CAMKMT: variants seen among roughly 807,000 people sequenced by gnomAD.
CAMKMT encodes calmodulin-lysine N-methyltransferase.
In CAMKMT, 53 loss-of-function variants were observed where a neutral mutation model predicts 48.0. That is an observed-to-expected ratio of 1.10 (90% confidence interval 0.89 to 1.39). The LOEUF is 1.39. Ranked by LOEUF, CAMKMT falls within the 40% of genes most tolerant of loss-of-function variation. CAMKMT has a pLI of 0.00. For missense variants in CAMKMT, 428 were observed against 402.7 expected, an observed-to-expected ratio of 1.06 and a Z score of -0.54; for synonymous variants, 165 against 152.3, an observed-to-expected ratio of 1.08 and a Z score of -0.61.
At chr2:44,418,899 G>A (rs1348100146) in intron 3 of CAMKMT, among the ~76,000 whole-genome samples, 3 of 151,884 alleles carry the variant, frequency 2.0e-5, no homozygotes, top group African/African-American at 7.2e-5. Flanking sequence ...CTTTATGTAG[G>A]TATTCCTTAA....
intron 9 of CAMKMT, among the ~76,000 whole-genome samples, chr2:44,759,955 G>A (rs116952561): frequency 1.3e-5 from 2 of 152,252 alleles, no homozygotes; most frequent in East Asian, 1.9e-4. Context: ...TCGAATTTAC[G>A]CCTTAGTATT....
chr2:44,362,895 T>C (rs1678093160), intron 1 of CAMKMT, among the ~76,000 whole-genome samples: 1 of 152,232 alleles, frequency 6.6e-6, no homozygotes, highest in African/African-American at 2.4e-5. Flanking sequence ...CGCTCACTTC[T>C]TGAAGTGAAG....
At chr2:44,759,145 G>T (rs1255595477) in intron 9 of CAMKMT, among the ~76,000 whole-genome samples, 2 of 152,058 alleles carry the variant, frequency 1.3e-5, no homozygotes, top group African/African-American at 2.4e-5. Flanking sequence ...TGGGGGGGAG[G>T]ACAGGGTCTC....
intron 3 of CAMKMT, among the ~76,000 whole-genome samples, chr2:44,492,468 A>C (rs975305117): frequency 1.3e-4 from 20 of 152,214 alleles, no homozygotes; most frequent in Admixed American, 3.9e-4. Flanking sequence ...AGAATAAAAA[A>C]TGTAAAAAAT....
intron 3 of CAMKMT, among the ~76,000 whole-genome samples, chr2:44,555,463 G>A (rs1279357600): frequency 6.6e-6 from 1 of 152,042 alleles, no homozygotes; most frequent in Admixed American, 6.6e-5. Context: ...AGGGAGGATG[G>A]GTTCCATTTT....
chr2:44,601,961 C>A (rs569251077), intron 3 of CAMKMT, among the ~76,000 whole-genome samples: 1 of 151,862 alleles, frequency 6.6e-6, no homozygotes, highest in African/African-American at 2.4e-5. Flanking sequence ...AAAAATGATA[C>A]CATATTGCAT....
chr2:44,675,198 A>G (rs888556359), intron 3 of CAMKMT, among the ~76,000 whole-genome samples: 3 of 152,090 alleles, frequency 2.0e-5, no homozygotes, highest in African/African-American at 7.2e-5. Context: ...TTGGAAAAGG[A>G]ATCTGTGTTC....
chr2:44,445,964 G>A (rs147022032), intron 3 of CAMKMT, among the ~76,000 whole-genome samples: 1 of 152,140 alleles, frequency 6.6e-6, no homozygotes, highest in East Asian at 1.9e-4. Flanking sequence ...TCAGCAGGAA[G>A]CAGTTAAGAT....
At chr2:44,703,570 G>A (rs1313299497) in intron 3 of CAMKMT, among the ~76,000 whole-genome samples, 1 of 152,052 alleles carries the variant, frequency 6.6e-6, no homozygotes, top group Non-Finnish European at 1.5e-5. Context: ...ACGAGGTCAG[G>A]AGTTCGAGAC....
At chr2:44,509,784 T>C (rs1167986145) in intron 3 of CAMKMT, among the ~76,000 whole-genome samples, 3 of 152,102 alleles carry the variant, frequency 2.0e-5, no homozygotes, top group African/African-American at 4.8e-5. Flanking sequence ...TGAGAGCAAG[T>C]TGTTATAAAG....
intron 3 of CAMKMT, among the ~76,000 whole-genome samples, chr2:44,674,482 T>C (rs1156286078): frequency 6.6e-6 from 1 of 152,174 alleles, no homozygotes; most frequent in East Asian, 1.9e-4. Context: ...GTATCTGATC[T>C]GAGAAATCAC....
At chr2:44,549,769 C>G in intron 3 of CAMKMT, 2 of 456,810 alleles carry the variant, frequency 4.4e-6, no homozygotes, top group Non-Finnish European at 7.7e-6. Context: ...GTAAACTCCA[C>G]TCCCTCTTAG....
intron 3 of CAMKMT, among the ~76,000 whole-genome samples, chr2:44,401,893 T>G (rs1031641715): frequency 6.6e-6 from 1 of 152,208 alleles, no homozygotes; most frequent in African/African-American, 2.4e-5. Flanking sequence ...TCATTTCTTT[T>G]GTTTTGTATC....
intron 3 of CAMKMT, among the ~76,000 whole-genome samples, chr2:44,580,149 A>G (rs941937009): frequency 1.3e-5 from 2 of 152,108 alleles, no homozygotes; most frequent in South Asian, 2.1e-4. Context: ...TTAAGACTCT[A>G]AGTGCTTATA....
chr2:44,767,233 A>G lies in CAMKMT; in HGVS notation c.894+672A>G, dbSNP rs544646305. Reference sequence around the variant, plus strand: ...ACTTTTTAGGATTCTCACGTTTGCTAGTAGTACATGTCACAGTGACTAGTA... The same window carrying G: ...ACTTTTTAGGATTCTCACGTTTGCTGGTAGTACATGTCACAGTGACTAGTA... On this transcript the variant is annotated intron_variant, in intron 10 of 10. Transcript: ENST00000378494. 2.8e-4 allele frequency among the ~76,000 whole-genome samples: 43 copies of G among 152,326 alleles called. 3 individuals carry two copies. The South Asian group carries it at 7.9e-3, about 28-fold the overall frequency.
intron 3 of CAMKMT, among the ~76,000 whole-genome samples, chr2:44,488,511 A>G (rs1409299231): frequency 6.6e-6 from 1 of 152,038 alleles, no homozygotes; most frequent in Non-Finnish European, 1.5e-5. Flanking sequence ...TCTTTTAAAA[A>G]AAATTTGAGT....
intron 3 of CAMKMT, among the ~76,000 whole-genome samples, chr2:44,528,974 G>A (rs763359682): frequency 1.6e-4 from 25 of 152,084 alleles, no homozygotes; most frequent in Non-Finnish European, 2.6e-4. Context: ...CCATTATTTC[G>A]TTAGGGGTTT....
At chr2:44,506,697 T>C (rs1250164996) in intron 3 of CAMKMT, among the ~76,000 whole-genome samples, 1 of 152,180 alleles carries the variant, frequency 6.6e-6, no homozygotes, top group African/African-American at 2.4e-5. Flanking sequence ...TCACATAGTA[T>C]AAATATAGTT....
intron 8 of CAMKMT, among the ~76,000 whole-genome samples, chr2:44,746,665 A>G (rs1679930090): frequency 6.6e-6 from 1 of 152,372 alleles, no homozygotes; most frequent in East Asian, 1.9e-4. Context: ...AGGTGCAGCC[A>G]TACCTGCAAA....
Sources: allele counts gnomAD v4.1 joint callset (sites outside exome capture counted in the v4.1 genomes callset), GRCh38; gene constraint gnomAD v4.1.1; transcripts MANE v1.5; gene names NCBI Gene and HGNC (gene_info 2026-07-23, HGNC 2026-07-21).